The following ASB2 variants were observed in gnomAD, a reference collection of about 807,000 sequenced individuals.
ASB2 encodes ankyrin repeat and SOCS box containing 2.
A neutral mutation model predicts 62.4 loss-of-function variants in ASB2; 58 were observed. The ratio of observed to expected loss-of-function variants is 0.93; its 90% CI spans 0.75 to 1.16. ASB2 has a LOEUF of 1.16. ASB2 is among the 50% of genes most tolerant of loss of function. The probability of loss-of-function intolerance (pLI) is 0.00; values close to 1 mark genes in which losing one functional copy is unlikely to be tolerated. For synonymous variants in ASB2, 386 were observed against 385.3 expected (o/e 1.00, Z -0.02); for missense variants, 928 against 887.9 (o/e 1.05, Z -0.57).
At chr14:93,956,926 G>A (rs759333718) in intron 2 of ASB2, 56 bp from the exon 3 acceptor site, 84 of 1,607,610 alleles carry the variant, frequency 5.2e-5, no homozygotes, top group South Asian at 3.1e-4. Flanking sequence ...TAGGAGAAGC[G>A]GGTCATGGCT....
intron 1 of ASB2, among the ~76,000 whole-genome samples, chr14:93,964,979 A>G (rs1444515038): frequency 1.3e-5 from 2 of 152,118 alleles, no homozygotes; most frequent in African/African-American, 2.4e-5. Context: ...CTGTCTACTC[A>G]TCTGACCATT....
chr14:93,946,932 G>A (rs1206999923), intron 7 of ASB2, among the ~76,000 whole-genome samples: 1 of 152,208 alleles, frequency 6.6e-6, no homozygotes, highest in Non-Finnish European at 1.5e-5. Flanking sequence ...TAGAATTCCT[G>A]TAGCTGTGAC....
chr14:93,955,429 GATAAGTCCTGAGGTCCCC>G, intron 3 of ASB2: 1 of 314,970 alleles, frequency 3.2e-6, no homozygotes, highest in Non-Finnish European at 6.3e-6. Flanking sequence ...AAACTGATCA[GATAAGTCCTGAGGTCCCC>G]ATCAGCACCG....
intron 6 of ASB2, among the ~76,000 whole-genome samples, chr14:93,949,777 G>C (rs1379898725): frequency 6.6e-6 from 1 of 152,208 alleles, no homozygotes; most frequent in Non-Finnish European, 1.5e-5. Context: ...GGTCACCCTT[G>C]CCTGCTGAGC....
At chr14:93,957,113 A>G in intron 2 of ASB2, 1 of 1,401,844 alleles carries the variant, frequency 7.1e-7, no homozygotes, top group Non-Finnish European at 9.2e-7. Flanking sequence ...ATAAGACAAC[A>G]ATGAGGTTAA....
intron 1 of ASB2, among the ~76,000 whole-genome samples, chr14:93,971,115 A>G (rs1889745229): frequency 6.6e-6 from 1 of 152,202 alleles, no homozygotes; most frequent in Non-Finnish European, 1.5e-5. Flanking sequence ...GCTCTCCTCC[A>G]TTTAACAAGA....
chr14:93,975,491 G>A (rs2141328003), intron 1 of ASB2, among the ~76,000 whole-genome samples: 1 of 152,334 alleles, frequency 6.6e-6, no homozygotes, highest in African/African-American at 2.4e-5. Context: ...ACACACGGGT[G>A]GGAGTGTAGG....
At chr14:93,966,563 G>A (rs1334435162) in intron 1 of ASB2, among the ~76,000 whole-genome samples, 1 of 152,214 alleles carries the variant, frequency 6.6e-6, no homozygotes, top group Non-Finnish European at 1.5e-5. Flanking sequence ...CAATGAGTTT[G>A]GCATAATGAA....
intron 5 of ASB2, 131 bp from the exon 6 acceptor site, chr14:93,951,375 A>G: frequency 1.8e-6 from 2 of 1,106,188 alleles, no homozygotes; most frequent in Non-Finnish European, 2.5e-6. Flanking sequence ...TTAAGTTCCA[A>G]TCCCTGCATT....
At chr14:93,942,648 G>A (rs1194630235) in intron 7 of ASB2, among the ~76,000 whole-genome samples, 1 of 152,234 alleles carries the variant, frequency 6.6e-6, no homozygotes, top group Non-Finnish European at 1.5e-5. Flanking sequence ...GCAGGGGAAT[G>A]GGCAGAGAGC....
chr14:93,943,304 G>C (rs1012548458), intron 7 of ASB2, among the ~76,000 whole-genome samples: 2 of 152,200 alleles, frequency 1.3e-5, no homozygotes, highest in Non-Finnish European at 2.9e-5. Context: ...GAGGCATTCT[G>C]GATCACCAGG....
chr14:93,938,660 T>C (rs1403167730), intron 8 of ASB2, among the ~76,000 whole-genome samples: 1 of 152,226 alleles, frequency 6.6e-6, no homozygotes, highest in Admixed American at 6.5e-5. Flanking sequence ...CGTGCTTGTT[T>C]CACATCGCAT....
chr14:93,973,370 T>G (rs760882564), intron 1 of ASB2, among the ~76,000 whole-genome samples: 5 of 152,014 alleles, frequency 3.3e-5, no homozygotes, highest in Non-Finnish European at 7.4e-5. Flanking sequence ...TGATGTACAT[T>G]GAGGATGCCA....
rs1342370128 is a variant in ASB2, at chr14:93,939,589, C to T, written c.1136G>A (p.Arg379His). The T allele has an allele frequency of 2.5e-6, 4 of 1,573,328 alleles. No homozygotes were observed. Among genetic ancestry groups the T allele is most frequent in the Non-Finnish European group, 3.4e-6 (4 of 1,165,152 alleles). Reference protein sequence around the residue: ...GVSPLHLAAERNHDEVLEALL... With the variant: ...GVSPLHLAAEHNHDEVLEALL... ...CGCCTCCAGCACCTCGTCGTGGTTGCGCTCGGCCGCCAGGTGCAGCGGACT... is the reference window on the plus strand; with the variant it reads ...CGCCTCCAGCACCTCGTCGTGGTTGTGCTCGGCCGCCAGGTGCAGCGGACT... Residue 379 changes from arginine to histidine, a missense_variant, in exon 8 of 10, where the codon CGC becomes CAC. Transcript: ENST00000555019.
At chr14:93,953,594 A>T (rs1889060567) in intron 4 of ASB2, 87 bp from the exon 5 acceptor site, 1 of 1,173,956 alleles carries the variant, frequency 8.5e-7, no homozygotes, top group Non-Finnish European at 1.2e-6. Flanking sequence ...TCCCAATTTC[A>T]AGAACAATGT....
chr14:93,939,457 T>A lies in ASB2; in HGVS notation c.1268A>T (p.Asn423Ile). The A allele has an allele frequency of 6.2e-7, 1 of 1,612,200 alleles. No homozygotes were observed. The highest frequency in any genetic ancestry group is 1.1e-5 in the South Asian group (1 of 91,036). ...CAGCAGCAGCTCGGTGGCGTACACG[T>A]TGTTGTTGACCACCGCGAAGTACAG... ...SALYFAVVNNNVYATELLLQH... is the reference protein window; with the variant it reads ...SALYFAVVNNIVYATELLLQH... The change falls in exon 8 of 10, where the codon AAC (asparagine) becomes ATC (isoleucine). Residue 423 changes from asparagine (N) to isoleucine (I), a missense_variant. Transcript: ENST00000555019.
rs182843425 is a variant in ASB2 at position 93,956,783 on chromosome 14, G to A, written c.294C>T (p.Phe98=). 5.6e-6 allele frequency: 9 copies of A among 1,614,202 alleles called. No homozygotes were observed. The Admixed American group carries it at 1.3e-4, about 24-fold the overall frequency. The change falls in exon 3 of 10, where the codon TTC becomes TTT. Residue 98 remains phenylalanine (F), a synonymous_variant. Coordinates refer to ENST00000555019, the MANE Select transcript of ASB2 (RefSeq NM_001202429.2). ...GVMQKYSSSL[F]KTSQLAPADP... ...TCACTTACGCCAGCTGGGAGGTCTT[G>A]AACAAGCTGCTGCTGTATTTCTGCA...
rs373023664 is a variant in ASB2, at chr14:93,964,951, A to G, written c.-73-339T>C. Among the ~76,000 whole-genome samples, 7 of 151,864 alleles carry G rather than the reference A, an allele frequency of 4.6e-5. No homozygotes were observed. In the East Asian group the frequency reaches 5.8e-4, roughly 13 times the overall value. ...CTACCCACTCAACCACCCTCCATCT[A>G]TCCTCCTATCCATCCATCTGTCTAC... is the stretch of plus-strand genomic sequence containing the variant. On this transcript the variant is annotated intron_variant, in intron 1 of 9. Coordinates refer to ENST00000555019, the MANE Select transcript of ASB2 (RefSeq NM_001202429.2).
At chr14:93,957,236 A>T in intron 2 of ASB2, 1 of 1,224,624 alleles carries the variant, frequency 8.2e-7, no homozygotes. Context: ...AGGTCCCAGG[A>T]TGAAAGGGGC....
Sources: gnomAD v4.1 joint callset for allele counts (sites outside exome capture counted in the v4.1 genomes callset) on GRCh38, gnomAD v4.1.1 for gene constraint, MANE v1.5 for transcripts, NCBI Gene and HGNC (gene_info 2026-07-23, HGNC 2026-07-21) for gene names.